Variants in RPL27 observed in about 807,000 individuals in gnomAD.
RPL27 encodes large ribosomal subunit protein eL27.
For synonymous variants in RPL27, 77 were observed against 61.0 expected (o/e 1.26, Z -1.22); for missense variants, 131 against 174.3 (o/e 0.75, Z 1.40).
intron 3 of RPL27, among the ~76,000 whole-genome samples, 153 bp from the exon 4 acceptor site, chr17:43,002,518 AGT>A (rs1030541560): frequency 9.9e-5 from 15 of 152,142 alleles, no homozygotes; most frequent in East Asian, 5.8e-4. Flanking sequence ...AAAAAAAAAA[AGT>A]GTGAATTTTC....
In RPL27 at chr17:42,998,842, C is replaced by T. The variant is rs1337352546; in HGVS notation, c.81+11C>T. The T allele has an allele frequency of 3.1e-6, 5 of 1,611,658 alleles. No homozygotes were observed. The highest frequency in any genetic ancestry group is 1.3e-5 in the African/African-American group (1 of 74,872). On this transcript the variant is annotated intron_variant, in intron 2 of 4. Transcript: ENST00000253788. ...GCTGTCATCGTGAAGGTATCAGCCT[C>T]GCGGGACTCTGCGTCCTTGCATGCC...
At chr17:42,998,884 C>T (rs2151964556) in intron 2 of RPL27, 53 bp downstream of exon 2, 2 of 1,480,098 alleles carry the variant, frequency 1.4e-6, no homozygotes. Flanking sequence ...AGGCTGGCTG[C>T]GGCGGGGCGG....
Position 43,000,070 on chromosome 17 carries a change from A to C in RPL27, c.219A>C (p.Lys73Asn). The change falls in exon 3 of 5, where the codon AAA becomes AAC. Residue 73 changes from lysine (K) to asparagine (N), a missense_variant. Transcript: ENST00000253788. ...AKRSKIKSFV[K>N]VYNYNHLMPT... ...GATCAAAGATAAAATCTTTTGTGAA[A>C]GTGTATAACTACAATCACCTAATGC... 2 of 1,613,194 alleles carry C rather than the reference A, an allele frequency of 1.2e-6. No individual in the cohort carries two copies. Among genetic ancestry groups the C allele is most frequent in the South Asian group, 1.1e-5 (1 of 91,048 alleles).
intron 1 of RPL27, 48 bp downstream of exon 1, chr17:42,998,519 C>T (rs896089077): frequency 2.3e-6 from 1 of 436,320 alleles, no homozygotes; most frequent in Non-Finnish European, 4.1e-6. Context: ...CCATCCGCGG[C>T]TTGGGGGTCG....
At chr17:42,998,570 C>A in intron 1 of RPL27, 99 bp downstream of exon 1, 1 of 512,640 alleles carries the variant, frequency 2.0e-6, no homozygotes, top group Non-Finnish European at 3.5e-6. Flanking sequence ...CCCTAGGTCT[C>A]TGGCGGCTAC....
chr17:43,001,953 T>C (rs923589146), intron 3 of RPL27, among the ~76,000 whole-genome samples: 2 of 149,362 alleles, frequency 1.3e-5, no homozygotes, highest in African/African-American at 5.0e-5. Flanking sequence ...TAGCCAGGCA[T>C]GGTGGCAGGC....
chr17:42,999,101 C>T, intron 2 of RPL27: 1 of 431,222 alleles, frequency 2.3e-6, no homozygotes, highest in Non-Finnish European at 4.2e-6. Context: ...TGTGCTCCCA[C>T]TGCCTTTCAG....
At chr17:42,999,026 A>G in intron 2 of RPL27, 195 bp downstream of exon 2, 1 of 565,520 alleles carries the variant, frequency 1.8e-6, no homozygotes, top group East Asian at 3.1e-5. Flanking sequence ...CTCCCAACGC[A>G]TAAAGCCTTC....
At position 42,998,491 on chromosome 17, in the gene RPL27, G is replaced by A. The variant is rs868417923; in HGVS notation, c.-3+20G>A. 14 of 368,804 alleles carry A rather than the reference G, an allele frequency of 3.8e-5. No homozygotes were observed. The highest frequency in any genetic ancestry group is 1.6e-3 in the Middle Eastern group (2 of 1,242). 22.8% of individuals were successfully genotyped at this position (368,804 alleles called of 1,614,324 possible). Reference sequence around the variant, plus strand: ...CTGCCGGTAAGTAGAAGCTTGGGTTGAATCTTTCAATCCGCTGCCATCCGC... The same window carrying A: ...CTGCCGGTAAGTAGAAGCTTGGGTTAAATCTTTCAATCCGCTGCCATCCGC... On this transcript the variant is annotated intron_variant, in intron 1 of 4. Transcript: ENST00000253788.
At chr17:43,002,639 T>G in intron 3 of RPL27, 34 bp from the exon 4 acceptor site, 1 of 1,360,800 alleles carries the variant, frequency 7.3e-7, no homozygotes, top group Non-Finnish European at 1.1e-6. Context: ...CGGCAGTATG[T>G]GGGCTAATCC....
chr17:43,000,149 T>TC, intron 3 of RPL27, 47 bp downstream of exon 3: 2 of 1,447,646 alleles, frequency 1.4e-6, no homozygotes, highest in Non-Finnish European at 1.9e-6. Flanking sequence ...CCCTGCTCTG[T>TC]TGAATAATGA....
At position 43,000,038 on chromosome 17, in the gene RPL27, G is replaced by A. The variant is rs775226187; in HGVS notation, c.187G>A (p.Ala63Thr). Residue 63 changes from alanine (A) to threonine (T), a missense_variant, in exon 3 of 5, where the codon GCC becomes ACC. By Grantham distance (58) the Ala-to-Thr change is moderately conservative. Coordinates refer to ENST00000253788, the MANE Select transcript of RPL27 (RefSeq NM_000988.5). ...VTAAMGKKKI[A>T]KRSKIKSFVK... ...AGCTGCCATGGGCAAGAAGAAGATC[G>A]CCAAGAGATCAAAGATAAAATCTTT... 3 of 1,612,842 alleles carry A rather than the reference G, an allele frequency of 1.9e-6. No homozygotes were observed. Among genetic ancestry groups the A allele is most frequent in the Admixed American group, 1.7e-5 (1 of 60,024 alleles).
chr17:43,000,312 G>T (rs1342159399), intron 3 of RPL27, among the ~76,000 whole-genome samples: 1 of 152,074 alleles, frequency 6.6e-6, no homozygotes, highest in Non-Finnish European at 1.5e-5. Context: ...GTAAACACAG[G>T]CATGGGGTCT....
At position 43,002,855 on chromosome 17, in the gene RPL27, CT is replaced by C. The variant is rs760867471; in HGVS notation, c.363-10del. ...CCATTCCTTTCCTCATTGGTGTCCT[CT>C]TTTTTTCCCTTCTAGATACAAGACA... On this transcript the variant is annotated splice_polypyrimidine_tract_variant and intron_variant, in intron 4 of 4. Transcript: ENST00000253788. The C allele has an allele frequency of 2.5e-6, 4 of 1,613,050 alleles. No individual in the cohort carries two copies. The African/African-American group carries it at 4.0e-5, about 16-fold the overall frequency.
intron 2 of RPL27, chr17:42,999,094 G>C (rs1001457753): frequency 2.3e-6 from 1 of 440,908 alleles, no homozygotes; most frequent in African/African-American, 2.1e-5. Flanking sequence ...CTTGCTATGT[G>C]CTCCCACTGC....
At chr17:42,999,890 A>G in intron 2 of RPL27, 43 bp from the exon 3 acceptor site, 1 of 1,534,096 alleles carries the variant, frequency 6.5e-7, no homozygotes, top group East Asian at 2.3e-5. Context: ...CAGGGCCTAA[A>G]TAGGCCCTCA....
rs143957902 is a variant in RPL27, at chr17:42,999,025, C to T, written c.81+194C>T. 2,055 of 564,448 alleles carry T rather than the reference C, an allele frequency of 3.6e-3. 39 individuals carry two copies. The highest frequency in any genetic ancestry group is 0.036 in the African/African-American group (1,869 of 52,596). The allele number at this position is 564,448 out of a possible 1,614,324, so 35.0% of individuals were successfully genotyped here. On this transcript the variant is annotated intron_variant, in intron 2 of 4. Coordinates refer to ENST00000253788, the MANE Select transcript of RPL27 (RefSeq NM_000988.5). Reference sequence around the variant, plus strand: ...TGTGAGCTGAATTGGGCTCCCAACGCATAAAGCCTTCTCCACCAGAGGCTT... The same window carrying T: ...TGTGAGCTGAATTGGGCTCCCAACGTATAAAGCCTTCTCCACCAGAGGCTT...
intron 3 of RPL27, among the ~76,000 whole-genome samples, chr17:43,000,332 T>C (rs2050346132): frequency 6.6e-6 from 1 of 152,196 alleles, no homozygotes; most frequent in Non-Finnish European, 1.5e-5. Flanking sequence ...TGATCTGCCC[T>C]CTTCCACTGT....
chr17:43,001,044 C>T (rs568083136), intron 3 of RPL27, among the ~76,000 whole-genome samples: 10 of 145,916 alleles, frequency 6.9e-5, no homozygotes, highest in Admixed American at 1.4e-4. Flanking sequence ...AGCAAAGCTC[C>T]GTCTCAAAGA....
Sources: allele counts gnomAD v4.1 joint callset (sites outside exome capture counted in the v4.1 genomes callset), GRCh38; gene constraint gnomAD v4.1.1; transcripts MANE v1.5; gene names NCBI Gene and HGNC (gene_info 2026-07-23, HGNC 2026-07-21).